Variants in MFSD12 observed in about 807,000 individuals in gnomAD.
The protein encoded by MFSD12 is major facilitator superfamily domain containing 12, also known as major facilitator superfamily domain-containing protein 12.
A neutral mutation model predicts 51.2 loss-of-function variants in MFSD12; 67 were observed. The observed-to-expected ratio is 1.31, with a 90% CI of 1.08 to 1.60. The LOEUF is 1.60. Among genes scored for constraint, MFSD12 ranks in the 40% most tolerant of loss-of-function variants. The pLI is 0.00. For missense variants in MFSD12, 921 were observed against 673.0 expected, an observed-to-expected ratio of 1.37 and a Z score of -4.08; for synonymous variants, 441 against 316.7, an observed-to-expected ratio of 1.39 and a Z score of -4.17.
chr19:3,539,014 T>G, intron 4 of MFSD12: 1 of 630,380 alleles, frequency 1.6e-6, no homozygotes, highest in Non-Finnish European at 2.9e-6. Context: ...CCCCCAGTTG[T>G]TAAATACTCA....
At chr19:3,540,121 T>A (rs998745029), downstream of MFSD12, 2 of 139,900 alleles carry the variant, frequency 1.4e-5, no homozygotes, top group Admixed American at 7.7e-5. Context: ...TTTGAGACAG[T>A]CTCATACTGT....
At chr19:3,549,663 C>A (rs550247591) in intron 2 of MFSD12, among the ~76,000 whole-genome samples, 1 of 145,812 alleles carries the variant, frequency 6.9e-6, no homozygotes. Flanking sequence ...GCAGAGGTTG[C>A]AGTGAGCCGA....
rs753666069 is a variant in MFSD12 at position 3,546,441 on chromosome 19, C to G, written c.1024-16G>C. ...AGTAGGTCATCTGCAGGGACAGCCC[C>G]GGGGTCAGGCCCACACCACTGGGTG... On this transcript the variant is annotated splice_polypyrimidine_tract_variant and intron_variant, in intron 6 of 9. Coordinates refer to ENST00000355415, the MANE Select transcript of MFSD12 (RefSeq NM_174983.5). 1 of 1,594,004 alleles carries G rather than the reference C, an allele frequency of 6.3e-7. No individual in the cohort carries two copies. The highest frequency in any genetic ancestry group is 8.5e-7 in the Non-Finnish European group (1 of 1,171,166).
chr19:3,546,020 G>GCTTAATCCC, intron 8 of MFSD12, 54 bp downstream of exon 8: 5 of 1,577,616 alleles, frequency 3.2e-6, no homozygotes, highest in Non-Finnish European at 8.7e-7. Context: ...CACAGCAGGC[G>GCTTAATCCC]CTTAATCCCC....
intron 8 of MFSD12, among the ~76,000 whole-genome samples, chr19:3,545,483 G>A (rs1232466891): frequency 1.3e-5 from 2 of 152,200 alleles, no homozygotes; most frequent in African/African-American, 4.8e-5. Context: ...CCAGGGCTTT[G>A]GCACTACTTG....
chr19:3,549,580 G>A (rs902339836), intron 2 of MFSD12, among the ~76,000 whole-genome samples: 3 of 151,196 alleles, frequency 2.0e-5, no homozygotes, highest in East Asian at 2.0e-4. Context: ...AAAATTAGCC[G>A]GGGGTGGTGG....
chr19:3,546,373 G>C lies in MFSD12; in HGVS notation c.1076C>G (p.Ala359Gly). ...GGCCACACCCAGTCCCTCCGCCAGC[G>C]CCACCCAGGCGGCAAAGGCCAGGAT... ...LVILAFAAWV[A>G]LAEGLGVAVY... Residue 359 changes from alanine to glycine, a missense_variant, in exon 7 of 10, where the codon GCG becomes GGG. Transcript: ENST00000355415. 6.2e-7 allele frequency: 1 copy of C among 1,608,044 alleles called. No homozygotes were observed. Among genetic ancestry groups the C allele is most frequent in the Non-Finnish European group, 8.5e-7 (1 of 1,177,968 alleles).
downstream of MFSD12, chr19:3,543,491 C>G (rs922551667): frequency 2.0e-5 from 31 of 1,516,000 alleles, no homozygotes; most frequent in South Asian, 1.6e-4. Flanking sequence ...CCCCCCCCCC[C>G]GCCCTGGGCA....
chr19:3,538,356 C>T, exon 5 of MFSD12: 2 of 222,630 alleles, frequency 9.0e-6, no homozygotes, highest in South Asian at 1.1e-4. Flanking sequence ...GTACCTTCAC[C>T]ACGCCGTGCA....
At chr19:3,541,797 A>G, downstream of MFSD12, 3 of 984,770 alleles carry the variant, frequency 3.0e-6, no homozygotes, top group Non-Finnish European at 3.6e-6. Flanking sequence ...TTTCTCATTG[A>G]ATATTATTCT....
chr19:3,548,301 G>T lies in MFSD12; in HGVS notation c.510-34C>A, dbSNP rs372067143. 483 of 1,542,366 alleles carry T rather than the reference G, an allele frequency of 3.1e-4. 1 individual carries two copies. The highest frequency in any genetic ancestry group is 3.6e-4 in the Non-Finnish European group (409 of 1,146,212). ...CAGGCGGGCAGGGACTCAACAAGAC[G>T]CCAGGAACCTGGGTCACTTCCTCCC... On this transcript the variant is annotated intron_variant, in intron 2 of 9. Transcript: ENST00000355415.
chr19:3,549,521 G>C (rs546486349), intron 2 of MFSD12, among the ~76,000 whole-genome samples: 4 of 149,896 alleles, frequency 2.7e-5, no homozygotes, highest in Non-Finnish European at 3.0e-5. Flanking sequence ...TCAGGAGTTC[G>C]AGACCAGCCT....
In MFSD12 at chr19:3,557,580, ACT is replaced by A. The variant is rs1437628051; in HGVS notation, c.-179_-178del. On this transcript the variant is annotated 5_prime_UTR_variant, in exon 1 of 10. Coordinates refer to ENST00000355415, the MANE Select transcript of MFSD12 (RefSeq NM_174983.5). ...GTCCGCCGCGTCCGCCCCACGCTCG[ACT>A]CTGCAGCCGCCGGGCCCCAGAGCCG... is the stretch of plus-strand genomic sequence containing the variant. 3.9e-6 allele frequency: 1 copy of A among 256,868 alleles called. No individual in the cohort carries two copies. The highest frequency in any genetic ancestry group is 2.3e-5 in the African/African-American group (1 of 43,618). The allele number at this position is 256,868 out of a possible 1,614,324, so 15.9% of individuals were successfully genotyped here. A position where few individuals can be genotyped will look rare whatever the true frequency, so the allele number is the denominator to read the frequency against.
rs749680138 is a variant in MFSD12, at chr19:3,547,268, T to G, written c.1023+4A>C. On this transcript the variant is annotated splice_donor_region_variant and intron_variant, in intron 6 of 9. Transcript: ENST00000355415. ...CCAGCTGTCCCCGGTCCCCGCCCAC[T>G]CACGTTCCTCCCAATGCACTTGTTG... 5 of 1,611,782 alleles carry G rather than the reference T, an allele frequency of 3.1e-6. No homozygotes were observed. The South Asian group carries it at 5.5e-5, about 18-fold the overall frequency.
chr19:3,540,277 G>A (rs937926886), downstream of MFSD12, among the ~76,000 whole-genome samples: 90 of 135,232 alleles, frequency 6.7e-4, no homozygotes, highest in African/African-American at 2.7e-3. Flanking sequence ...TTTTTTTTTT[G>A]GACGGAGTCT....
chr19:3,543,300 A>G, downstream of MFSD12: 2 of 1,549,026 alleles, frequency 1.3e-6, no homozygotes, highest in African/African-American at 1.4e-5. Flanking sequence ...ACACGCTGGA[A>G]GTACACGCCC....
chr19:3,546,361 CCCTCCG>C lies in MFSD12; in HGVS notation c.1082_1087del (p.Ala361_Glu362del). On this transcript the variant is annotated inframe_deletion, in exon 7 of 10. Transcript: ENST00000355415. ...CGCTGCGTACACGGCCACACCCAGT[CCCTCCG>C]CCAGCGCCACCCAGGCGGCAAAGGC... is the stretch of plus-strand genomic sequence containing the variant. 1 of 1,607,830 alleles carries C rather than the reference CCCTCCG, an allele frequency of 6.2e-7. No homozygotes were observed. The highest frequency in any genetic ancestry group is 8.5e-7 in the Non-Finnish European group (1 of 1,177,972).
downstream of MFSD12, chr19:3,539,422 G>A (rs367595855): frequency 3.9e-4 from 230 of 591,770 alleles, 1 homozygote; most frequent in East Asian, 4.5e-3. Flanking sequence ...GTTCCCCTCC[G>A]GCCAGTGGCC....
downstream of MFSD12, chr19:3,542,119 C>T: frequency 1.0e-6 from 1 of 985,296 alleles, no homozygotes; most frequent in Non-Finnish European, 1.2e-6. Flanking sequence ...CAATTTTGTG[C>T]TGTTTTAATT....
Sources: allele counts gnomAD v4.1 joint callset (sites outside exome capture counted in the v4.1 genomes callset), GRCh38; gene constraint gnomAD v4.1.1; transcripts MANE v1.5; gene names NCBI Gene and HGNC (gene_info 2026-07-23, HGNC 2026-07-21).